The following HELZ2 variants were observed in gnomAD, a reference collection of about 807,000 sequenced individuals.
HELZ2 encodes the protein 3'-5' exoribonuclease HELZ2.
A neutral mutation model predicts 208.8 loss-of-function variants in HELZ2; 143 were observed. That is an observed-to-expected ratio of 0.68 (90% confidence interval 0.60 to 0.79). The LOEUF is 0.79. Ranked by LOEUF, HELZ2 falls within the 30% of genes least tolerant of loss-of-function variation. The probability of loss-of-function intolerance (pLI) is 0.00; values close to 1 mark genes in which losing one functional copy is unlikely to be tolerated. For missense variants in HELZ2, 3,690 were observed against 3,794.5 expected (o/e 0.97, Z 0.72); for synonymous variants, 1,705 against 1,693.7 (o/e 1.01, Z -0.16).
At chr20:63,566,861 C>T (rs374054218) in exon 6 of HELZ2, 26 of 1,600,776 alleles carry the variant, frequency 1.6e-5, no homozygotes, top group Middle Eastern at 1.6e-4. Context: ...CCGTGGGAAA[C>T]GACACAGATG....
At chr20:63,566,943 C>T (rs570999484) in exon 6 of HELZ2, 11 of 1,610,922 alleles carry the variant, frequency 6.8e-6, no homozygotes, top group South Asian at 3.3e-5. Context: ...CGACGACCTG[C>T]GCAATCTCAG....
chr20:63,570,624 C>A lies in HELZ2; in HGVS notation c.463-13G>T. The A allele has an allele frequency of 6.2e-7, 1 of 1,603,834 alleles. No individual in the cohort carries two copies. The highest frequency in any genetic ancestry group is 1.1e-5 in the South Asian group (1 of 90,494). On this transcript the variant is annotated splice_polypyrimidine_tract_variant and intron_variant, in intron 2 of 18. Transcript: ENST00000467148. Reference sequence around the variant, plus strand: ...GGGTCTCTGCCAGCTGCGTGGAAGTCTAGCCTTCAGCAAGAGGCCTGGACC... The same window carrying A: ...GGGTCTCTGCCAGCTGCGTGGAAGTATAGCCTTCAGCAAGAGGCCTGGACC...
exon 8 of HELZ2, chr20:63,563,173 C>G (rs1016854423): frequency 6.3e-7 from 1 of 1,592,628 alleles, no homozygotes; most frequent in Admixed American, 1.7e-5. Context: ...GCTGCACCTG[C>G]AGGGTGTCCC....
exon 4 of HELZ2, chr20:63,569,353 G>A: frequency 6.2e-7 from 1 of 1,606,050 alleles, no homozygotes; most frequent in Non-Finnish European, 8.5e-7. Context: ...TTGCCAGTGT[G>A]CCAGCGCTCC....
At position 63,559,991 on chromosome 20, in the gene HELZ2, C is replaced by T. The variant is rs201718588; in HGVS notation, c.7762G>A (p.Val2588Ile). The T allele has an allele frequency of 5.1e-5, 82 of 1,612,346 alleles. No individual in the cohort carries two copies. The East Asian group carries it at 1.1e-3, about 21-fold the overall frequency. Residue 2588 changes from valine to isoleucine, a missense_variant, in exon 18 of 19, where the codon GTT (valine) becomes ATT (isoleucine). Val to Ile is a conservative substitution (Grantham distance 29). This residue lies in a region of HELZ2 where 2,564 missense variants were observed against 2,580.5 expected (regional missense o/e 0.99). Coordinates refer to ENST00000467148, the Ensembl canonical transcript of HELZ2. ...ACATTCACTTGGTTGGGGTCCACAA[C>T]GAAGCCCAGAAACTTCTTGAGCCAG...
At chr20:63,563,645 C>A (rs1485794670) in exon 8 of HELZ2, 2 of 1,545,830 alleles carry the variant, frequency 1.3e-6, no homozygotes, top group Admixed American at 1.9e-5. Flanking sequence ...CAGGTGCAGG[C>A]TGCGCGCCCG....
chr20:63,567,200 G>A (rs200878475), exon 6 of HELZ2: 1 of 1,607,990 alleles, frequency 6.2e-7, no homozygotes, highest in Non-Finnish European at 8.5e-7. Context: ...CACAGGAAGA[G>A]GCGGTGCAGC....
chr20:63,560,902 G>A (rs758541025), exon 15 of HELZ2: 1 of 1,613,048 alleles, frequency 6.2e-7, no homozygotes, highest in Non-Finnish European at 8.5e-7. Context: ...ACAGGCCGCA[G>A]CTGCTTGTGG....
At chr20:63,566,681 A>AGGACGCAGTGAGGACTGGGCCACCCCC (rs1555889937) in intron 6 of HELZ2, among the ~76,000 whole-genome samples, 163 bp downstream of exon 7, 2 of 109,424 alleles carry the variant, frequency 1.8e-5, no homozygotes, top group Admixed American at 8.9e-5. Flanking sequence ...ACCAAGCTCC[A>AGGACGCAGTGAGGACTGGGCCACCCCC]GACACCTCAG....
In HELZ2 at chr20:63,570,567, G is replaced by A. The variant is rs1357526843; in HGVS notation, c.507C>T (p.Pro169=). 13 of 1,613,234 alleles carry A rather than the reference G, an allele frequency of 8.1e-6. No homozygotes were observed. In the African/African-American group the frequency reaches 1.6e-4, roughly 20 times the overall value. ...TCCTCTCCTGGGCCTGGTACATCAG[G>A]GGCTGGTTGCAGGTGACACGCACTC... Residue 169 remains proline, a synonymous_variant, in exon 3 of 19, where the codon CCC becomes CCT. Coordinates refer to ENST00000467148, the Ensembl canonical transcript of HELZ2.
rs369206303 is a variant in HELZ2, at chr20:63,565,060, C to G, written c.3762G>C (p.Arg1254Ser). The G allele has an allele frequency of 1.7e-4, 272 of 1,561,120 alleles. 1 individual carries two copies. In the African/African-American group the frequency reaches 3.6e-3, roughly 20 times the overall value. The change falls in exon 8 of 19, where the codon AGG (arginine) becomes AGC (serine). Residue 1254 changes from arginine (R) to serine (S), a missense_variant. Arg to Ser is a moderately radical substitution (Grantham distance 110). Around this residue, in one of 3 missense-constraint regions of HELZ2, gnomAD observed 2,564 missense variants for 2,580.5 expected, o/e 0.99. Transcript: ENST00000467148. ...GGCTGTGCCGGGCCTCGGCGGTGAGCCTCTCAAGCCCCACACGCTGCAGCC... is the reference window on the plus strand; with the variant it reads ...GGCTGTGCCGGGCCTCGGCGGTGAGGCTCTCAAGCCCCACACGCTGCAGCC...
chr20:63,561,616 G>A lies in HELZ2; in HGVS notation c.6821C>T (p.Pro2274Leu), dbSNP rs41283020. Residue 2274 changes from proline to leucine, a missense_variant, in exon 12 of 19, where the codon CCG becomes CTG. This residue lies in a region of HELZ2 where 2,564 missense variants were observed against 2,580.5 expected (regional missense o/e 0.99). Transcript: ENST00000467148. Reference sequence around the variant, plus strand: ...GCAGGCACACCTGAGGCTCTGGTTCGGCCTCCCCTCCCGGGGGCTCTTCCT... The same window carrying A: ...GCAGGCACACCTGAGGCTCTGGTTCAGCCTCCCCTCCCGGGGGCTCTTCCT... 10,737 of 1,607,784 alleles carry A rather than the reference G, an allele frequency of 6.7e-3. 61 individuals are homozygous for A. The highest frequency in any genetic ancestry group is 0.01 in the Middle Eastern group (61 of 6,026).
exon 8 of HELZ2, chr20:63,563,180 T>C (rs2082909127): frequency 6.3e-7 from 1 of 1,592,040 alleles, no homozygotes; most frequent in Non-Finnish European, 8.5e-7. Flanking sequence ...CTGCAGGGTG[T>C]CCCCACTGCC....
At chr20:63,572,398 G>A (rs772846243) in exon 1 of HELZ2, 25 of 1,497,150 alleles carry the variant, frequency 1.7e-5, no homozygotes, top group Non-Finnish European at 2.1e-5. Flanking sequence ...CCACGGCGCT[G>A]TGTGCAAACT....
exon 8 of HELZ2, chr20:63,565,054 G>A (rs1281593574): frequency 9.6e-6 from 15 of 1,562,490 alleles, no homozygotes; most frequent in Middle Eastern, 1.7e-4. Flanking sequence ...GGGCCTCGGC[G>A]GTGAGCCTCT....
chr20:63,569,610 A>G, exon 4 of HELZ2: 1 of 1,557,644 alleles, frequency 6.4e-7, no homozygotes, highest in Non-Finnish European at 8.7e-7. Flanking sequence ...GGGAGCCACC[A>G]GAGAGAAGTC....
exon 9 of HELZ2, chr20:63,562,343 G>T: frequency 1.3e-6 from 2 of 1,595,668 alleles, no homozygotes; most frequent in Non-Finnish European, 1.7e-6. Context: ...TGACCAGCGG[G>T]GACGCCTCCT....
intron 14 of HELZ2, 74 bp from the exon 16 acceptor site, chr20:63,561,003 C>T: frequency 1.3e-6 from 2 of 1,596,412 alleles, no homozygotes; most frequent in Non-Finnish European, 1.7e-6. Context: ...ACACCCGCGT[C>T]TGCACACACA....
chr20:63,566,237 G>C lies in HELZ2; in HGVS notation c.2591-6C>G. On this transcript the variant is annotated splice_polypyrimidine_tract_variant and splice_region_variant and intron_variant, in intron 7 of 18. Coordinates refer to ENST00000467148, the Ensembl canonical transcript of HELZ2. ...CACGACCCGGAACTGCCGCCCTGCA[G>C]GGGGCACGCAGTCAGGTCAGGCTGG... is the stretch of plus-strand genomic sequence containing the variant. 1.3e-6 allele frequency: 2 copies of C among 1,486,072 alleles called. No individual in the cohort carries two copies. The highest frequency in any genetic ancestry group is 1.8e-6 in the Non-Finnish European group (2 of 1,115,076). 92.1% of individuals were successfully genotyped at this position (1,486,072 alleles called of 1,614,324 possible). A position where few individuals can be genotyped will look rare whatever the true frequency, so the allele number is the denominator to read the frequency against.
Sources: gnomAD v4.1 joint callset for allele counts (sites outside exome capture counted in the v4.1 genomes callset) on GRCh38, gnomAD v4.1.1 for gene constraint, gnomAD v4.1.1 regional missense constraint, MANE v1.5 for transcripts, NCBI Gene and HGNC (gene_info 2026-07-23, HGNC 2026-07-21) for gene names.